RNF220: variants seen among roughly 807,000 people sequenced by gnomAD.
RNF220 encodes ring finger protein 220.
A neutral mutation model predicts 67.1 loss-of-function variants in RNF220; 7 were observed. That is an observed-to-expected ratio of 0.10 (90% confidence interval 0.06 to 0.20). RNF220 has a LOEUF of 0.20. RNF220 is among the 10% of genes least tolerant of loss of function. RNF220 has a pLI of 1.00. For missense variants in RNF220, 565 were observed against 740.3 expected (o/e 0.76, Z 2.75); for synonymous variants, 270 against 283.2 (o/e 0.95, Z 0.47).
chr1:44,645,019 C>T lies in RNF220; in HGVS notation c.1248C>T (p.Pro416=), dbSNP rs1353127859. 3 of 1,613,990 alleles carry T rather than the reference C, an allele frequency of 1.9e-6. No homozygotes were observed. Among genetic ancestry groups the T allele is most frequent in the Non-Finnish European group, 2.5e-6 (3 of 1,180,020 alleles). ...GATACACAGAGGCTGATGTCATCCC[C>T]TGCACAGGCGAGGAGCCTGGTGAAG... The part of the protein sequence containing the change: ...KPQYTEADVI[P]CTGEEPGEAK... Residue 416 remains proline (P), a synonymous_variant, in exon 10 of 15, where the codon CCC becomes CCT. Transcript: ENST00000361799. The surrounding 1 kb of genome is among the most constrained non-coding windows in gnomAD (Gnocchi z 5.0).
At chr1:44,593,678 C>G (rs994532218) in intron 2 of RNF220, among the ~76,000 whole-genome samples, 1 of 152,072 alleles carries the variant, frequency 6.6e-6, no homozygotes, top group Non-Finnish European at 1.5e-5. Flanking sequence ...GCTAGGATCG[C>G]CACTGCACCA....
chr1:44,417,313 C>G lies in RNF220; in HGVS notation c.625+4591C>G, dbSNP rs1178455717. On this transcript the variant is annotated intron_variant, in intron 2 of 14. Transcript: ENST00000361799. The surrounding 1 kb of genome is among the most constrained non-coding windows in gnomAD (Gnocchi z 4.0). ...GTGTGTGGTTGTTTCTGGTTGTTCA[C>G]TCCCAACACAGTCATGGAGACTCTT... Among the ~76,000 whole-genome samples the G allele has an allele frequency of 6.6e-6, 1 of 152,236 alleles. No homozygotes were observed. Among genetic ancestry groups the G allele is most frequent in the Non-Finnish European group, 1.5e-5 (1 of 68,050 alleles).
At chr1:44,535,428 C>T (rs532352078) in intron 2 of RNF220, among the ~76,000 whole-genome samples, 22 of 152,038 alleles carry the variant, frequency 1.4e-4, no homozygotes, top group Non-Finnish European at 2.6e-4. Flanking sequence ...CATGAGCCAC[C>T]GTGCCCGGCC....
intron 2 of RNF220, among the ~76,000 whole-genome samples, 174 bp from the exon 3 acceptor site, chr1:44,613,991 C>T (rs1257426192): frequency 6.6e-6 from 1 of 152,184 alleles, no homozygotes; most frequent in African/African-American, 2.4e-5. Context: ...TGGCCACAGC[C>T]TCTGGAGCTG....
At chr1:44,524,645 A>G (rs530725161) in intron 2 of RNF220, among the ~76,000 whole-genome samples, 59 of 152,032 alleles carry the variant, frequency 3.9e-4, no homozygotes, top group Admixed American at 1.8e-3. Context: ...CTCTATTTTT[A>G]TTACACGCTT....
chr1:44,556,444 C>T (rs924899446), intron 2 of RNF220, among the ~76,000 whole-genome samples: 15 of 150,722 alleles, frequency 1.0e-4, no homozygotes, highest in African/African-American at 3.7e-4. Flanking sequence ...ACAAATGACA[C>T]CCCTCTCTAC....
intron 2 of RNF220, among the ~76,000 whole-genome samples, chr1:44,431,339 A>G (rs538796121): frequency 6.6e-6 from 1 of 152,076 alleles, no homozygotes; most frequent in African/African-American, 2.4e-5. Context: ...AAAATACAAA[A>G]AGGTAGCCAG....
chr1:44,551,461 G>A (rs1424000818), intron 2 of RNF220, among the ~76,000 whole-genome samples: 1 of 151,742 alleles, frequency 6.6e-6, no homozygotes, highest in Non-Finnish European at 1.5e-5. Flanking sequence ...TCATATTTTT[G>A]AGAATGTCTG....
chr1:44,487,068 C>T (rs966867513), intron 2 of RNF220, among the ~76,000 whole-genome samples: 4 of 152,198 alleles, frequency 2.6e-5, no homozygotes, highest in African/African-American at 7.2e-5. Context: ...GGTGCGGTGG[C>T]TCACACCTGT....
At chr1:44,420,854 GTATTCAA>G (rs1649131161) in intron 2 of RNF220, among the ~76,000 whole-genome samples, 2 of 152,210 alleles carry the variant, frequency 1.3e-5, no homozygotes, top group Non-Finnish European at 2.9e-5. Flanking sequence ...CACATACTAA[GTATTCAA>G]TACTTAGTTA....
intron 2 of RNF220, among the ~76,000 whole-genome samples, chr1:44,531,248 C>T (rs1660807974): frequency 6.6e-6 from 1 of 152,216 alleles, no homozygotes; most frequent in African/African-American, 2.4e-5. Flanking sequence ...CACAATCCAG[C>T]CCAAACTATT....
At chr1:44,582,795 G>A (rs1283875778) in intron 2 of RNF220, among the ~76,000 whole-genome samples, 2 of 144,032 alleles carry the variant, frequency 1.4e-5, no homozygotes, top group African/African-American at 2.6e-5. Context: ...AGGCCGAGGC[G>A]GGTGGATCAC....
At chr1:44,485,063 G>A (rs537296635) in intron 2 of RNF220, among the ~76,000 whole-genome samples, 1 of 152,310 alleles carries the variant, frequency 6.6e-6, no homozygotes, top group South Asian at 2.1e-4. Context: ...TTGAACCCGG[G>A]AGGCGGAGGT....
At chr1:44,564,663 GAGT>G (rs911024328) in intron 2 of RNF220, among the ~76,000 whole-genome samples, 1 of 150,936 alleles carries the variant, frequency 6.6e-6, no homozygotes, top group Non-Finnish European at 1.5e-5. Flanking sequence ...TGAGACAGGA[GAGT>G]CCCTTGAACC....
At chr1:44,544,185 GAGA>G (rs1443504142) in intron 2 of RNF220, among the ~76,000 whole-genome samples, 1 of 152,222 alleles carries the variant, frequency 6.6e-6, no homozygotes, top group Non-Finnish European at 1.5e-5. Context: ...GCGGGGGTGG[GAGA>G]AGAACAGAGC....
At chr1:44,519,860 A>T (rs976260341) in intron 2 of RNF220, among the ~76,000 whole-genome samples, 1 of 152,194 alleles carries the variant, frequency 6.6e-6, no homozygotes, top group Non-Finnish European at 1.5e-5. Flanking sequence ...CTTGTCTGCC[A>T]TAATGGAGGG....
chr1:44,503,418 T>C (rs1658119470), intron 2 of RNF220, among the ~76,000 whole-genome samples: 1 of 150,634 alleles, frequency 6.6e-6, no homozygotes. Flanking sequence ...AAAAAGAGGA[T>C]TGGACTCCAA....
At chr1:44,583,346 G>C (rs189161480) in intron 2 of RNF220, among the ~76,000 whole-genome samples, 1 of 152,170 alleles carries the variant, frequency 6.6e-6, no homozygotes, top group East Asian at 1.9e-4. Flanking sequence ...CTTGCCCTTG[G>C]CTTCTCGCAA....
intron 2 of RNF220, among the ~76,000 whole-genome samples, chr1:44,418,354 G>A (rs1269198288): frequency 6.6e-6 from 1 of 152,216 alleles, no homozygotes; most frequent in Admixed American, 6.5e-5. Context: ...GTGCCCCCAG[G>A]ACTCTGAGGC....
Sources: gnomAD v4.1 joint callset for allele counts (sites outside exome capture counted in the v4.1 genomes callset) on GRCh38, gnomAD v4.1.1 for gene constraint, Gnocchi (gnomAD v3.1) non-coding constraint, MANE v1.5 for transcripts, NCBI Gene and HGNC (gene_info 2026-07-23, HGNC 2026-07-21) for gene names.